The following TRIM55 variants were observed in gnomAD, a reference collection of about 807,000 sequenced individuals.
TRIM55 encodes tripartite motif containing 55.
Under a neutral mutation model 60.9 loss-of-function variants are expected in TRIM55, and 50 were observed. The observed-to-expected ratio is 0.82, with a 90% CI of 0.65 to 1.04. The LOEUF (loss-of-function observed/expected upper bound fraction) is 1.04, where lower values mean the gene tolerates loss of function less well. TRIM55 is among the 50% of genes least tolerant of loss of function. The probability of loss-of-function intolerance (pLI) is 0.00; values close to 1 mark genes in which losing one functional copy is unlikely to be tolerated. For missense variants in TRIM55, 681 were observed against 666.9 expected (o/e 1.02, Z -0.23); for synonymous variants, 237 against 238.1 (o/e 1.00, Z 0.04).
At chr8:66,168,663 T>C (rs1811455120) in intron 9 of TRIM55, among the ~76,000 whole-genome samples, 1 of 152,236 alleles carries the variant, frequency 6.6e-6, no homozygotes, top group South Asian at 2.1e-4. Flanking sequence ...AGACAGGCAT[T>C]TAACATGCAT....
At chr8:66,165,791 T>C (rs193154766) in intron 9 of TRIM55, among the ~76,000 whole-genome samples, 23 of 152,298 alleles carry the variant, frequency 1.5e-4, no homozygotes, top group Non-Finnish European at 2.1e-4. Flanking sequence ...CTGGAAATTA[T>C]AAGAAGCTAT....
chr8:66,151,539 T>A (rs1381520916), intron 7 of TRIM55, among the ~76,000 whole-genome samples: 3 of 152,152 alleles, frequency 2.0e-5, no homozygotes, highest in African/African-American at 4.8e-5. Context: ...GTCCTTAATG[T>A]CGCCTGAGGG....
intron 2 of TRIM55, among the ~76,000 whole-genome samples, chr8:66,133,272 A>T (rs1212225706): frequency 1.3e-5 from 2 of 152,304 alleles, no homozygotes; most frequent in African/African-American, 4.8e-5. Flanking sequence ...GTTACACTAG[A>T]GCACAGGGAA....
chr8:66,130,245 T>C, intron 2 of TRIM55, among the ~76,000 whole-genome samples: 1 of 152,336 alleles, frequency 6.6e-6, no homozygotes, highest in East Asian at 1.9e-4. Context: ...GTAAATTGCG[T>C]AAAAGCAATG....
Position 66,135,160 on chromosome 8 carries a change from CA to C in TRIM55, c.507+6del, listed in dbSNP as rs1809408424. The C allele has an allele frequency of 6.2e-7, 1 of 1,614,026 alleles. No individual in the cohort carries two copies. The highest frequency in any genetic ancestry group is 8.5e-7 in the Non-Finnish European group (1 of 1,179,956). On this transcript the variant is annotated splice_donor_region_variant and intron_variant, in intron 3 of 9. Transcript: ENST00000315962. The stretch of plus-strand genomic sequence containing the variant: ...CATGTGTTCCAGAGACAGAAGGTAA[CA>C]GAGCTGCTCCCTCCCTCCCGCAACC...
chr8:66,125,491 T>C (rs1421786436), upstream of TRIM55, among the ~76,000 whole-genome samples: 1 of 152,246 alleles, frequency 6.6e-6, no homozygotes, highest in Non-Finnish European at 1.5e-5. Flanking sequence ...CTAAGTGCTT[T>C]TACTTAGATA....
Position 66,128,550 on chromosome 8 carries a change from C to T in TRIM55, c.341+74C>T, listed in dbSNP as rs1018198709. ...TTTGTTTGTTTGTTTTAATGGGTTG[C>T]TACGCTGAATGCTTGTTTATCAATC... On this transcript the variant is annotated intron_variant, in intron 2 of 9. Coordinates refer to ENST00000315962, the MANE Select transcript of TRIM55 (RefSeq NM_184085.2). 19 of 1,473,944 alleles carry T rather than the reference C, an allele frequency of 1.3e-5. No homozygotes were observed. In the Admixed American group the frequency reaches 3.4e-4, roughly 27 times the overall value. The allele number at this position is 1,473,944 out of a possible 1,614,324, so 91.3% of individuals were successfully genotyped here. A position where few individuals can be genotyped will look rare whatever the true frequency, so the allele number is the denominator to read the frequency against.
At chr8:66,150,606 A>G in intron 7 of TRIM55, 140 bp downstream of exon 7, 1 of 978,712 alleles carries the variant, frequency 1.0e-6, no homozygotes, top group Non-Finnish European at 1.5e-6. Context: ...TCCAATGTGA[A>G]GCTCTATTTC....
chr8:66,132,977 C>T (rs1309624229), intron 2 of TRIM55, among the ~76,000 whole-genome samples: 2 of 152,208 alleles, frequency 1.3e-5, no homozygotes, highest in African/African-American at 4.8e-5. Flanking sequence ...ATGACGCAAT[C>T]TCTGGTCACA....
chr8:66,147,760 A>G (rs946234085), intron 4 of TRIM55, among the ~76,000 whole-genome samples: 1 of 142,566 alleles, frequency 7.0e-6, no homozygotes, highest in Non-Finnish European at 1.5e-5. Flanking sequence ...GCGCCATTGC[A>G]CTCCAGCGTG....
rs944344897 is a variant in TRIM55 at position 66,154,083 on chromosome 8, G to C, written c.1273G>C (p.Glu425Gln). 1.5e-5 allele frequency: 24 copies of C among 1,613,762 alleles called. No individual in the cohort carries two copies. The highest frequency in any genetic ancestry group is 6.7e-5 in the Admixed American group (4 of 59,972). ...VVPTGSEQTT[E>Q]SETPVPAAAE... ...ACCCACTGGCTCTGAGCAGACCACA[G>C]AGTCTGAAACTCCAGTCCCTGCAGC... is the stretch of plus-strand genomic sequence containing the variant. Residue 425 changes from glutamate to glutamine, a missense_variant, in exon 9 of 10, where the codon GAG becomes CAG. Coordinates refer to ENST00000315962, the MANE Select transcript of TRIM55 (RefSeq NM_184085.2).
At chr8:66,118,168 C>CAAAAAAAAAAAAAA in the TRIM55 span, among the ~76,000 whole-genome samples, 4 of 39,892 alleles carry the variant, frequency 1.0e-4, no homozygotes, top group African/African-American at 1.2e-4. Flanking sequence ...GACTCCGTCT[C>CAAAAAAAAAAAAAA]AAAAAAAAAA....
At chr8:66,160,295 C>T (rs1390565644) in intron 9 of TRIM55, among the ~76,000 whole-genome samples, 1 of 152,012 alleles carries the variant, frequency 6.6e-6, no homozygotes, top group Non-Finnish European at 1.5e-5. Context: ...GTCTCCAATT[C>T]CATCCAGGTT....
At chr8:66,114,080 A>ACCCCCCCCCCC in the TRIM55 span, among the ~76,000 whole-genome samples, 2 of 39,556 alleles carry the variant, frequency 5.1e-5, 1 homozygote, top group African/African-American at 2.2e-4. Context: ...CGAAGGAGAG[A>ACCCCCCCCCCC]CACCCCCCCC....
At chr8:66,136,983 G>T in intron 3 of TRIM55, 112 bp from the exon 4 acceptor site, 1 of 783,972 alleles carries the variant, frequency 1.3e-6, no homozygotes, top group Non-Finnish European at 2.0e-6. Flanking sequence ...TAGTCCTTAG[G>T]GGTTGCATGG....
At chr8:66,124,338 C>T (rs7843077), upstream of TRIM55, among the ~76,000 whole-genome samples, 54,854 of 152,140 alleles carry the variant, frequency 0.36, 13,817 homozygotes, top group African/African-American at 0.71. Context: ...TGCTGCTTAA[C>T]TTATTAAGTG....
Position 66,175,477 on chromosome 8 carries a change from T to C in TRIM55, c.*884T>C, listed in dbSNP as rs1811868299. On this transcript the variant is annotated 3_prime_UTR_variant, in exon 10 of 10. Transcript: ENST00000315962. ...TATATGAACTCTTAAATAAATGATG[T>C]TTTTAAAAGCTTCGTCTTATAATGA... 1 of 152,226 alleles carries C rather than the reference T, an allele frequency of 6.6e-6. No homozygotes were observed. Among genetic ancestry groups the C allele is most frequent in the Admixed American group, 6.5e-5 (1 of 15,284 alleles). 9.4% of individuals were successfully genotyped at this position (152,226 alleles called of 1,614,324 possible).
intron 9 of TRIM55, among the ~76,000 whole-genome samples, chr8:66,170,462 CT>C (rs1451245841): frequency 6.6e-6 from 1 of 152,178 alleles, no homozygotes; most frequent in East Asian, 1.9e-4. Context: ...TCCATTGATT[CT>C]TGACATGTAT....
chr8:66,134,736 C>T (rs1809376122), intron 2 of TRIM55, among the ~76,000 whole-genome samples: 1 of 152,104 alleles, frequency 6.6e-6, no homozygotes, highest in Non-Finnish European at 1.5e-5. Context: ...TGGTACAAAT[C>T]AGGATCTCCA....
Sources: gnomAD v4.1 joint callset for allele counts (sites outside exome capture counted in the v4.1 genomes callset) on GRCh38, gnomAD v4.1.1 for gene constraint, MANE v1.5 for transcripts, NCBI Gene and HGNC (gene_info 2026-07-23, HGNC 2026-07-21) for gene names.